The following DPH6 variants were observed in gnomAD, a reference collection of about 807,000 sequenced individuals.
DPH6 encodes the protein diphthamine biosynthesis 6.
DPH6 carries 33 observed loss-of-function variants against 38.2 expected under a neutral mutation model. The observed-to-expected ratio is 0.86, with a 90% CI of 0.65 to 1.15. DPH6 has a LOEUF of 1.15. Among genes scored for constraint, DPH6 ranks in the 50% most tolerant of loss-of-function variants. The pLI is 0.00. For missense variants in DPH6, 325 were observed against 320.0 expected, an observed-to-expected ratio of 1.02 and a Z score of -0.12; for synonymous variants, 108 against 103.0, an observed-to-expected ratio of 1.05 and a Z score of -0.30.
At position 35,418,966 on chromosome 15, in the gene DPH6, C is replaced by G. The variant is rs182352876; in HGVS notation, c.506-8070G>C. ...TAGGTGATATTAGAAAAGGTATAAT[C>G]ACTCTGAGAAGCAATTTCTAGTCTG... is the stretch of plus-strand genomic sequence containing the variant. On this transcript the variant is annotated intron_variant, in intron 5 of 8. Transcript: ENST00000256538. Among the ~76,000 whole-genome samples the G allele has an allele frequency of 8.6e-5, 13 of 151,992 alleles. No homozygotes were observed. The East Asian group carries it at 2.3e-3, about 27-fold the overall frequency.
At chr15:35,488,539 C>T (rs1354519360) in intron 3 of DPH6, among the ~76,000 whole-genome samples, 1 of 152,080 alleles carries the variant, frequency 6.6e-6, no homozygotes, top group East Asian at 1.9e-4. Context: ...ACCATCAGAT[C>T]TCATGAGAAC....
At chr15:35,507,683 A>G (rs1417977082) in intron 3 of DPH6, among the ~76,000 whole-genome samples, 2 of 152,142 alleles carry the variant, frequency 1.3e-5, no homozygotes, top group African/African-American at 4.8e-5. Flanking sequence ...ATAATTAAGA[A>G]CTCGCTATCC....
Position 35,242,159 on chromosome 15 carries a change from A to G in DPH6, n.201-21577T>C, listed in dbSNP as rs965311054. Among the ~76,000 whole-genome samples, 7 of 144,632 alleles carry G rather than the reference A, an allele frequency of 4.8e-5. 1 individual carries two copies. Among genetic ancestry groups the G allele is most frequent in the Admixed American group, 2.2e-4 (3 of 13,502 alleles). 94.9% of individuals were successfully genotyped at this position (144,632 alleles called of 152,430 possible). ...CCGCAAAGCTTCACAGACAGCCCCC[A>G]TTACTTCAGTCAAGCCCAAATTTCA... is the stretch of plus-strand genomic sequence containing the variant. On this transcript the variant is annotated intron_variant and non_coding_transcript_variant, in intron 3 of 3. Coordinates refer to the DPH6 transcript ENST00000560386.
At chr15:35,489,310 A>C in intron 3 of DPH6, 5 of 983,802 alleles carry the variant, frequency 5.1e-6, no homozygotes, top group Non-Finnish European at 6.0e-6. Flanking sequence ...AAGCAAAGAG[A>C]AGCAGTGATG....
At chr15:35,198,527 T>C in the DPH6 span, among the ~76,000 whole-genome samples, 1 of 152,238 alleles carries the variant, frequency 6.6e-6, no homozygotes, top group Non-Finnish European at 1.5e-5. Flanking sequence ...GAAACTTGCA[T>C]ACAAAATTAT....
At chr15:35,521,213 C>T (rs2054918624) in intron 3 of DPH6, 3 of 985,228 alleles carry the variant, frequency 3.0e-6, no homozygotes, top group South Asian at 4.7e-5. Context: ...ATGGGTTTTG[C>T]TTAGTTTCCT....
the DPH6 span, among the ~76,000 whole-genome samples, chr15:35,191,871 C>T: frequency 6.6e-6 from 1 of 152,200 alleles, no homozygotes; most frequent in African/African-American, 2.4e-5. Context: ...CTACATGTAG[C>T]TATGTCTCTA....
chr15:35,454,693 T>G, intron 4 of DPH6, 54 bp downstream of exon 4: 1 of 1,422,432 alleles, frequency 7.0e-7, no homozygotes. Flanking sequence ...TTTCACTTAT[T>G]CACATTCTTA....
the DPH6 span, among the ~76,000 whole-genome samples, chr15:35,188,759 G>A: frequency 6.6e-6 from 1 of 151,918 alleles, no homozygotes; most frequent in Non-Finnish European, 1.5e-5. Context: ...TGGTTCAAAC[G>A]TGAAGTCCCA....
At chr15:35,234,945 A>AT (rs2051541318) in intron 3 of DPH6, among the ~76,000 whole-genome samples, 1 of 152,230 alleles carries the variant, frequency 6.6e-6, no homozygotes, top group Non-Finnish European at 1.5e-5. Flanking sequence ...TGAACACTGG[A>AT]TCAAGCTACA....
intron 3 of DPH6, among the ~76,000 whole-genome samples, chr15:35,322,732 C>G (rs1450818417): frequency 6.6e-6 from 1 of 152,080 alleles, no homozygotes; most frequent in Non-Finnish European, 1.5e-5. Flanking sequence ...CTACCACCAC[C>G]TATTTATTCC....
At chr15:35,299,107 G>A (rs1044177587) in intron 3 of DPH6, 2 of 869,860 alleles carry the variant, frequency 2.3e-6, no homozygotes, top group East Asian at 2.4e-5. Flanking sequence ...CCTCTCTGGC[G>A]TTTCACTACT....
chr15:35,534,037 A>G (rs539374127), intron 3 of DPH6, among the ~76,000 whole-genome samples: 12 of 152,238 alleles, frequency 7.9e-5, no homozygotes, highest in Admixed American at 7.2e-4. Flanking sequence ...AGAAAAGCCT[A>G]TAACATGAAA....
intron 3 of DPH6, 100 bp from the exon 4 acceptor site, chr15:35,454,920 A>T (rs1026311194): frequency 4.9e-6 from 4 of 818,128 alleles, no homozygotes; most frequent in South Asian, 3.8e-5. Context: ...CATCTAGAAA[A>T]CTACCTCAAA....
intron 5 of DPH6, among the ~76,000 whole-genome samples, chr15:35,422,601 G>A (rs766005999): frequency 1.1e-4 from 17 of 151,830 alleles, no homozygotes; most frequent in Admixed American, 2.0e-4. Context: ...TATCCTCTTA[G>A]CAAATTTCAA....
rs866450513 is a variant in DPH6, at chr15:35,245,220, T to G, written n.201-24638A>C. Among the ~76,000 whole-genome samples the G allele has an allele frequency of 1.1e-4, 16 of 147,688 alleles. No individual in the cohort carries two copies. In the South Asian group the frequency reaches 3.4e-3, roughly 32 times the overall value. ...GCAAACATTTATAAATATTTCTGGGTCATTGTTCTTGCTTTTTTTTTTTTT... is the reference window on the plus strand; with the variant it reads ...GCAAACATTTATAAATATTTCTGGGGCATTGTTCTTGCTTTTTTTTTTTTT... On this transcript the variant is annotated intron_variant and non_coding_transcript_variant, in intron 3 of 3. Coordinates refer to the DPH6 transcript ENST00000560386.
intron 3 of DPH6, among the ~76,000 whole-genome samples, chr15:35,536,628 T>C (rs1429587469): frequency 6.6e-6 from 1 of 152,074 alleles, no homozygotes; most frequent in Admixed American, 6.6e-5. Flanking sequence ...GGGCTGTTAT[T>C]ATCATGGAGT....
At chr15:35,176,399 C>T in the DPH6 span, among the ~76,000 whole-genome samples, 3 of 151,940 alleles carry the variant, frequency 2.0e-5, no homozygotes, top group African/African-American at 4.8e-5. Context: ...TATTGCCAGG[C>T]CTAACTTTTA....
Position 35,381,919 on chromosome 15 carries a change from G to A in DPH6, c.568-3C>T, listed in dbSNP as rs1470494250. On this transcript the variant is annotated splice_polypyrimidine_tract_variant and splice_region_variant and intron_variant, in intron 6 of 8. Transcript: ENST00000256538. Reference sequence around the variant, plus strand: ...TGTACTCCATACTTCTTAGAAAGCTGAAAATAGGAAAACACAAAAAACAAG... The same window carrying A: ...TGTACTCCATACTTCTTAGAAAGCTAAAAATAGGAAAACACAAAAAACAAG... 2 of 1,601,914 alleles carry A rather than the reference G, an allele frequency of 1.2e-6. No individual in the cohort carries two copies. Among genetic ancestry groups the A allele is most frequent in the African/African-American group, 1.3e-5 (1 of 74,294 alleles).
Sources: allele counts gnomAD v4.1 joint callset (sites outside exome capture counted in the v4.1 genomes callset), GRCh38; gene constraint gnomAD v4.1.1; transcripts MANE v1.5; gene names NCBI Gene and HGNC (gene_info 2026-07-23, HGNC 2026-07-21).